The following SETDB2 variants were observed in gnomAD, a reference collection of about 807,000 sequenced individuals.
The protein encoded by SETDB2 is histone-lysine N-methyltransferase SETDB2.
In SETDB2, 56 loss-of-function variants were observed where a neutral mutation model predicts 82.5. That is an observed-to-expected ratio of 0.68 (90% CI 0.55 to 0.85). The LOEUF (loss-of-function observed/expected upper bound fraction) is 0.85, where lower values mean the gene tolerates loss of function less well. Among genes scored for constraint, SETDB2 ranks in the 40% least tolerant of loss-of-function variants. The pLI is 0.00. For missense variants in SETDB2, 677 were observed against 816.4 expected, an observed-to-expected ratio of 0.83 and a Z score of 2.08; for synonymous variants, 272 against 284.9, an observed-to-expected ratio of 0.95 and a Z score of 0.46.
At chr13:49,461,274 C>T in intron 4 of SETDB2, 112 bp downstream of exon 4, 2 of 696,294 alleles carry the variant, frequency 2.9e-6, no homozygotes, top group Non-Finnish European at 4.7e-6. Flanking sequence ...TAAAATCTAA[C>T]ATCCACATTT....
chr13:49,473,059 A>G (rs960717594), intron 5 of SETDB2, among the ~76,000 whole-genome samples: 6 of 152,190 alleles, frequency 3.9e-5, no homozygotes, highest in African/African-American at 1.4e-4. Context: ...GTTGTGTCAT[A>G]TGAGGAAATT....
At chr13:49,490,705 CA>C in intron 12 of SETDB2, 116 bp from the exon 13 acceptor site, 1 of 682,958 alleles carries the variant, frequency 1.5e-6, no homozygotes, top group Non-Finnish European at 2.3e-6. Context: ...TATACATTGA[CA>C]AAAAAAGAAC....
In SETDB2 at chr13:49,481,109, T is replaced by G. The variant is rs1430311307; in HGVS notation, c.1149T>G (p.Ile383Met). 1.2e-6 allele frequency: 2 copies of G among 1,609,582 alleles called. No homozygotes were observed. Among genetic ancestry groups the G allele is most frequent in the Admixed American group, 3.4e-5 (2 of 58,662 alleles). The stretch of plus-strand genomic sequence containing the variant: ...TTGACAGAGGGACATTTGTTTGCAT[T>G]TATTCAGGTAAAGCAAAAGTTTATT... ...DDIDRGTFVC[I>M]YSGRLLSRAN... Residue 383 changes from isoleucine (I) to methionine (M), a missense_variant, in exon 8 of 14, where the codon ATT becomes ATG. Ile to Met is a conservative substitution (Grantham distance 10). Around this residue, in one of 3 missense-constraint regions of SETDB2, gnomAD observed 420 missense variants for 554.6 expected, o/e 0.76. Transcript: ENST00000611815.
chr13:49,469,438 A>G (rs1344782213), intron 5 of SETDB2, among the ~76,000 whole-genome samples: 1 of 152,238 alleles, frequency 6.6e-6, no homozygotes, highest in Non-Finnish European at 1.5e-5. Flanking sequence ...CGTTGTCAAA[A>G]AAGAAAATTC....
chr13:49,480,125 T>C (rs1958449001), intron 6 of SETDB2, 94 bp from the exon 7 acceptor site: 11 of 790,100 alleles, frequency 1.4e-5, no homozygotes, highest in Non-Finnish European at 2.1e-5. Flanking sequence ...TGCTATTACA[T>C]CTTTTATTAC....
chr13:49,492,206 T>G lies in SETDB2; in HGVS notation c.*357T>G, dbSNP rs1368577744. 1 of 186,172 alleles carries G rather than the reference T, an allele frequency of 5.4e-6. No individual in the cohort carries two copies. Among genetic ancestry groups the G allele is most frequent in the African/African-American group, 2.4e-5 (1 of 41,864 alleles). 11.5% of individuals were successfully genotyped at this position (186,172 alleles called of 1,614,324 possible). ...TCTAATTGCTTTTGTGACTGTTACC[T>G]TTTAGTTCATGCCCCCCCAAAGAGC... On this transcript the variant is annotated 3_prime_UTR_variant, in exon 14 of 14. Transcript: ENST00000611815.
chr13:49,492,222 C>A lies in SETDB2; in HGVS notation c.*373C>A, dbSNP rs76943201. 498 of 173,864 alleles carry A rather than the reference C, an allele frequency of 2.9e-3. 1 individual carries two copies. Among genetic ancestry groups the A allele is most frequent in the African/African-American group, 0.011 (461 of 41,706 alleles). 10.8% of individuals were successfully genotyped at this position (173,864 alleles called of 1,614,324 possible). ...ACTGTTACCTTTTAGTTCATGCCCC[C>A]CCAAAGAGCTAAATTTCACATTTTT... On this transcript the variant is annotated 3_prime_UTR_variant, in exon 14 of 14. Transcript: ENST00000611815.
chr13:49,474,904 A>G (rs1469386220), intron 5 of SETDB2, among the ~76,000 whole-genome samples: 1 of 152,268 alleles, frequency 6.6e-6, no homozygotes, highest in African/African-American at 2.4e-5. Flanking sequence ...CAGTAACCAC[A>G]TGTGCCCACT....
chr13:49,481,367 AC>A (rs1958473414), intron 8 of SETDB2, among the ~76,000 whole-genome samples: 1 of 152,210 alleles, frequency 6.6e-6, no homozygotes, highest in Non-Finnish European at 1.5e-5. Flanking sequence ...CCTGTTACGT[AC>A]AAGGCACATT....
chr13:49,462,630 T>C (rs1958020079), intron 4 of SETDB2, among the ~76,000 whole-genome samples: 1 of 152,222 alleles, frequency 6.6e-6, no homozygotes, highest in South Asian at 2.1e-4. Context: ...TCTGTCACAT[T>C]TGCTGAAGTT....
intron 12 of SETDB2, among the ~76,000 whole-genome samples, chr13:49,490,571 G>A (rs556108494): frequency 2.9e-4 from 44 of 152,192 alleles, no homozygotes; most frequent in African/African-American, 1.1e-3. Context: ...TTATAATAAT[G>A]ATAAATATTG....
At chr13:49,480,851 T>G (rs530996200) in intron 7 of SETDB2, 96 bp from the exon 8 acceptor site, 371 of 1,309,212 alleles carry the variant, frequency 2.8e-4, no homozygotes, top group Middle Eastern at 2.0e-3. Context: ...CTTTCACATT[T>G]AGCCTGCTTC....
intron 5 of SETDB2, among the ~76,000 whole-genome samples, chr13:49,469,658 G>T (rs1958187597): frequency 6.6e-6 from 1 of 151,850 alleles, no homozygotes; most frequent in South Asian, 2.1e-4. Context: ...AGGATAAGTG[G>T]TCAAAGAAAA....
intron 1 of SETDB2, chr13:49,446,401 ATG>A: frequency 2.2e-6 from 1 of 456,342 alleles, no homozygotes; most frequent in Non-Finnish European, 4.4e-6. Context: ...TGTACAAGGA[ATG>A]TTCCCTCACT....
chr13:49,450,924 A>G (rs1014553052), intron 1 of SETDB2, among the ~76,000 whole-genome samples: 1 of 150,674 alleles, frequency 6.6e-6, no homozygotes, highest in East Asian at 1.9e-4. Context: ...CAATCTAAAT[A>G]TCGAATATAG....
At chr13:49,447,124 T>TTATGTTTGTTAACCTA (rs1174464336) in intron 1 of SETDB2, among the ~76,000 whole-genome samples, 1 of 152,188 alleles carries the variant, frequency 6.6e-6, no homozygotes, top group African/African-American at 2.4e-5. Context: ...GAAGTGTCTA[T>TTATGTTTGTTAACCTA]TATGTTTGTT....
At chr13:49,460,022 A>G in intron 2 of SETDB2, 85 bp from the exon 3 acceptor site, 2 of 1,382,928 alleles carry the variant, frequency 1.4e-6, no homozygotes, top group South Asian at 2.8e-5. Flanking sequence ...TTTAGAAACC[A>G]AGTAGATTGT....
chr13:49,484,584 G>A (rs1475411710), intron 10 of SETDB2, among the ~76,000 whole-genome samples: 1 of 152,118 alleles, frequency 6.6e-6, no homozygotes, highest in Non-Finnish European at 1.5e-5. Flanking sequence ...GTTTTAAGAT[G>A]TATGAGAAAG....
chr13:49,453,725 C>T (rs540772745), intron 2 of SETDB2, among the ~76,000 whole-genome samples: 2 of 152,296 alleles, frequency 1.3e-5, no homozygotes, highest in Admixed American at 1.3e-4. Flanking sequence ...ATTTCTTACG[C>T]ATCTTAGAGT....
Sources: allele counts gnomAD v4.1 joint callset (sites outside exome capture counted in the v4.1 genomes callset), GRCh38; gene constraint gnomAD v4.1.1; regional missense constraint gnomAD v4.1.1; transcripts MANE v1.5; gene names NCBI Gene and HGNC (gene_info 2026-07-23, HGNC 2026-07-21).